The following CADM2 variants were observed in gnomAD, a reference collection of about 807,000 sequenced individuals.
CADM2 encodes the protein cell adhesion molecule 2, also known as immunoglobulin superfamily member 4D.
In CADM2, 12 loss-of-function variants were observed where a neutral mutation model predicts 49.8. The ratio of observed to expected loss-of-function variants is 0.24; its 90% confidence interval spans 0.15 to 0.39. The LOEUF is 0.39. CADM2 is among the 10% of genes least tolerant of loss of function. The pLI is 1.00. For synonymous variants in CADM2, 214 were observed against 175.4 expected, an observed-to-expected ratio of 1.22 and a Z score of -1.74; for missense variants, 378 against 492.3, an observed-to-expected ratio of 0.77 and a Z score of 2.20.
At chr3:84,970,629 A>T (rs1410242679) in intron 1 of CADM2, among the ~76,000 whole-genome samples, 2 of 152,048 alleles carry the variant, frequency 1.3e-5, no homozygotes, top group African/African-American at 4.8e-5. Context: ...TCATCCTCAT[A>T]GAGAAATATA....
chr3:85,473,306 T>G (rs377346826), intron 1 of CADM2, among the ~76,000 whole-genome samples: 2 of 152,204 alleles, frequency 1.3e-5, no homozygotes, highest in South Asian at 2.1e-4. Flanking sequence ...ACTGCATAAC[T>G]CATTCTTATT....
chr3:85,553,545 G>A (rs1225799378), intron 1 of CADM2, among the ~76,000 whole-genome samples: 1 of 152,132 alleles, frequency 6.6e-6, no homozygotes, highest in Non-Finnish European at 1.5e-5. Context: ...TAACGGATAT[G>A]TGTAAAATAC....
At chr3:85,099,953 ATT>A (rs886356200) in intron 1 of CADM2, among the ~76,000 whole-genome samples, 117 of 152,064 alleles carry the variant, frequency 7.7e-4, no homozygotes, top group African/African-American at 2.8e-3. Context: ...TTATAATTGA[ATT>A]TTATTTATTC....
intron 2 of CADM2, among the ~76,000 whole-genome samples, chr3:85,741,384 T>C (rs965980226): frequency 6.6e-6 from 1 of 151,980 alleles, no homozygotes; most frequent in African/African-American, 2.4e-5. Flanking sequence ...TAAAAAGTTG[T>C]CTCAGCCTGG....
At chr3:85,057,058 C>T (rs1041372447) in intron 1 of CADM2, among the ~76,000 whole-genome samples, 1 of 152,152 alleles carries the variant, frequency 6.6e-6, no homozygotes, top group Non-Finnish European at 1.5e-5. Flanking sequence ...GATAATCTCT[C>T]GAATTCATTG....
chr3:85,346,589 A>G (rs1032641645), intron 1 of CADM2, among the ~76,000 whole-genome samples: 1 of 152,192 alleles, frequency 6.6e-6, no homozygotes, highest in African/African-American at 2.4e-5. Flanking sequence ...AAGGCATTTA[A>G]TTTTGGAAAA....
intron 1 of CADM2, among the ~76,000 whole-genome samples, chr3:85,612,988 T>C (rs2063716123): frequency 6.6e-6 from 1 of 151,726 alleles, no homozygotes; most frequent in Non-Finnish European, 1.5e-5. Context: ...ATGGAGTCTT[T>C]TGCTATAAAT....
chr3:85,682,063 T>A (rs1279462073), intron 1 of CADM2, among the ~76,000 whole-genome samples: 2 of 152,142 alleles, frequency 1.3e-5, no homozygotes, highest in Non-Finnish European at 2.9e-5. Flanking sequence ...TTGTCATGTG[T>A]CTTAGAGTGA....
At chr3:85,107,523 G>C (rs1421489244) in intron 1 of CADM2, among the ~76,000 whole-genome samples, 1 of 151,922 alleles carries the variant, frequency 6.6e-6, no homozygotes, top group Non-Finnish European at 1.5e-5. Context: ...ATTGTAAAAT[G>C]GTGCAGCCTC....
At chr3:85,464,548 A>T (rs1231560156) in intron 1 of CADM2, among the ~76,000 whole-genome samples, 1 of 152,164 alleles carries the variant, frequency 6.6e-6, no homozygotes, top group Non-Finnish European at 1.5e-5. Context: ...CTTTAAGGTG[A>T]GTCCATGAAT....
rs1237096475 is a variant in CADM2, at chr3:85,131,275, A to G, written c.61+171607A>G. Among the ~76,000 whole-genome samples, 5 of 152,380 alleles carry G rather than the reference A, an allele frequency of 3.3e-5. No individual in the cohort carries two copies. The South Asian group carries it at 8.3e-4, about 25-fold the overall frequency. Reference sequence around the variant, plus strand: ...GAAGTACAAAATACTTTTTATTCTCAGAAACTGTTGAATTTTAAAGAAACA... The same window carrying G: ...GAAGTACAAAATACTTTTTATTCTCGGAAACTGTTGAATTTTAAAGAAACA... On this transcript the variant is annotated intron_variant, in intron 1 of 9. Coordinates refer to ENST00000383699, the MANE Select transcript of CADM2 (RefSeq NM_001167675.2).
At chr3:85,507,552 A>G (rs1173635287) in intron 1 of CADM2, among the ~76,000 whole-genome samples, 1 of 152,178 alleles carries the variant, frequency 6.6e-6, no homozygotes, top group Non-Finnish European at 1.5e-5. Context: ...ATATCCAAAC[A>G]TTATTTGAAA....
At chr3:85,334,690 G>A (rs537535009) in intron 1 of CADM2, among the ~76,000 whole-genome samples, 1 of 151,466 alleles carries the variant, frequency 6.6e-6, no homozygotes, top group East Asian at 1.9e-4. Context: ...TAACAAAAAT[G>A]CCTTAAGAAG....
chr3:85,971,661 G>T (rs1336945753), intron 8 of CADM2, among the ~76,000 whole-genome samples: 1 of 151,578 alleles, frequency 6.6e-6, no homozygotes, highest in African/African-American at 2.4e-5. Flanking sequence ...GTAGGAAAGG[G>T]CTCACAATAT....
intron 8 of CADM2, among the ~76,000 whole-genome samples, chr3:86,052,285 T>A (rs1166921738): frequency 6.6e-6 from 1 of 152,174 alleles, no homozygotes; most frequent in Non-Finnish European, 1.5e-5. Flanking sequence ...AGCTATAGGG[T>A]TCTATCATTA....
chr3:85,868,551 A>G (rs552591556), intron 3 of CADM2, among the ~76,000 whole-genome samples: 24 of 152,218 alleles, frequency 1.6e-4, no homozygotes, highest in Non-Finnish European at 2.5e-4. Context: ...CTATTGCAAT[A>G]TCATGTGGAA....
chr3:85,371,140 A>C, intron 1 of CADM2, among the ~76,000 whole-genome samples: 1 of 152,276 alleles, frequency 6.6e-6, no homozygotes, highest in Non-Finnish European at 1.5e-5. Context: ...ATTTATTATT[A>C]AAGATAGAAA....
chr3:85,121,251 G>A (rs1240244043), intron 1 of CADM2, among the ~76,000 whole-genome samples: 1 of 152,194 alleles, frequency 6.6e-6, no homozygotes, highest in Non-Finnish European at 1.5e-5. Flanking sequence ...TGAGATGTGA[G>A]CAAAGTATAA....
chr3:85,242,606 A>C (rs1052459295), intron 1 of CADM2, among the ~76,000 whole-genome samples: 1 of 151,794 alleles, frequency 6.6e-6, no homozygotes, highest in African/African-American at 2.4e-5. Flanking sequence ...AATCCTCTGA[A>C]GATGTAATTA....
Sources: gnomAD v4.1 joint callset for allele counts (sites outside exome capture counted in the v4.1 genomes callset) on GRCh38, gnomAD v4.1.1 for gene constraint, MANE v1.5 for transcripts, NCBI Gene and HGNC (gene_info 2026-07-23, HGNC 2026-07-21) for gene names.